Variants in TLN2 observed in about 807,000 individuals in gnomAD.
The protein encoded by TLN2 is talin-2.
In TLN2, 118 loss-of-function variants were observed where a neutral mutation model predicts 294.7. That is an observed-to-expected ratio of 0.40 (90% CI 0.34 to 0.47). The LOEUF is 0.47. TLN2 is among the 20% of genes least tolerant of loss of function. The pLI is 0.84. For synonymous variants in TLN2, 1,431 were observed against 1,304.5 expected (o/e 1.10, Z -2.09); for missense variants, 3,083 against 3,282.2 (o/e 0.94, Z 1.48).
intron 1 of TLN2, among the ~76,000 whole-genome samples, chr15:62,490,339 G>C (rs553002231): frequency 6.6e-6 from 1 of 152,304 alleles, no homozygotes; most frequent in African/African-American, 2.4e-5. Flanking sequence ...GTTAATGCTT[G>C]AACTTACTTA....
chr15:62,677,316 A>T (rs1196651418), intron 11 of TLN2, among the ~76,000 whole-genome samples: 2 of 152,192 alleles, frequency 1.3e-5, no homozygotes, highest in Non-Finnish European at 2.9e-5. Context: ...TTGAGTATTA[A>T]ATTCATCTCT....
chr15:62,509,979 C>T (rs1196356325), intron 1 of TLN2, among the ~76,000 whole-genome samples: 1 of 152,172 alleles, frequency 6.6e-6, no homozygotes, highest in Admixed American at 6.5e-5. Flanking sequence ...GTACTTAAAA[C>T]ATTTTATTTC....
intron 41 of TLN2, among the ~76,000 whole-genome samples, chr15:62,770,097 C>T (rs1008492201): frequency 2.4e-4 from 37 of 152,280 alleles, no homozygotes; most frequent in African/African-American, 7.7e-4. Flanking sequence ...AGCTGAGAGC[C>T]AGGGCTGTGG....
chr15:62,553,720 T>C (rs1368292905), intron 1 of TLN2, among the ~76,000 whole-genome samples: 2 of 152,218 alleles, frequency 1.3e-5, no homozygotes, highest in African/African-American at 4.8e-5. Context: ...TAATTTAATA[T>C]AGAAGGGACT....
chr15:62,573,436 G>T (rs1017497663), intron 1 of TLN2, among the ~76,000 whole-genome samples: 1 of 152,036 alleles, frequency 6.6e-6, no homozygotes, highest in Non-Finnish European at 1.5e-5. Context: ...CCCTCTTCCT[G>T]CATTCATCCT....
At position 62,805,901 on chromosome 15, in the gene TLN2, C is replaced by T. The variant is rs181579311; in HGVS notation, c.6663+116C>T. 6.7e-5 allele frequency: 77 copies of T among 1,155,506 alleles called. No homozygotes were observed. In the African/African-American group the frequency reaches 1.1e-3, roughly 16 times the overall value. 71.6% of individuals were successfully genotyped at this position (1,155,506 alleles called of 1,614,324 possible). A position where few individuals can be genotyped will look rare whatever the true frequency, so the allele number is the denominator to read the frequency against. ...AACCTTAAACTTTGTAATAAAAATG[C>T]ACACAGGGCCAGGGGTAGTGGCTTA... On this transcript the variant is annotated intron_variant, in intron 51 of 58. Transcript: ENST00000636159.
intron 1 of TLN2, chr15:62,561,346 C>G (rs1244058619): frequency 2.6e-5 from 4 of 152,218 alleles, no homozygotes; most frequent in Non-Finnish European, 5.9e-5. Flanking sequence ...CCGCCGAGGC[C>G]CCTCCTCAGC....
At chr15:62,527,445 C>T (rs1219112103) in intron 1 of TLN2, among the ~76,000 whole-genome samples, 11 of 152,118 alleles carry the variant, frequency 7.2e-5, no homozygotes, top group Non-Finnish European at 1.5e-4. Context: ...GTTTATCACC[C>T]GCTGTTGGGT....
chr15:62,551,686 G>A (rs142068017), intron 1 of TLN2, among the ~76,000 whole-genome samples: 171 of 152,280 alleles, frequency 1.1e-3, no homozygotes, highest in Non-Finnish European at 1.9e-3. Flanking sequence ...GCTTCAGAGC[G>A]AGACTCTGTC....
chr15:62,470,715 G>C lies in TLN2; in HGVS notation c.-238+80030G>C, dbSNP rs535493751. 8.5e-4 allele frequency among the ~76,000 whole-genome samples: 129 copies of C among 152,350 alleles called. 1 individual carries two copies. Among genetic ancestry groups the C allele is most frequent in the Middle Eastern group, 3.4e-3 (1 of 294 alleles). ...CCAGCCACTGCCTTTGTTACCCACC[G>C]AGCCAGTGCAGGCACTGTGCTGGGA... On this transcript the variant is annotated intron_variant, in intron 1 of 58. Coordinates refer to ENST00000636159, the MANE Select transcript of TLN2 (RefSeq NM_015059.3).
chr15:62,708,577 G>T lies in TLN2; in HGVS notation c.2248G>T (p.Val750Leu), dbSNP rs553652809. 1 of 1,614,226 alleles carries T rather than the reference G, an allele frequency of 6.2e-7. No individual in the cohort carries two copies. Among genetic ancestry groups the T allele is most frequent in the Admixed American group, 1.7e-5 (1 of 60,028 alleles). ...AGCAGGGAAGCTGGTGGACCGCTCG[G>T]TGGAGAACTGTGTCCGTGCCTGCCA... ...IEAGKLVDRS[V>L]ENCVRACQAA... The change falls in exon 21 of 59, where the codon GTG becomes TTG. Residue 750 changes from valine (V) to leucine (L), a missense_variant. Val to Leu is a conservative substitution (Grantham distance 32, BLOSUM62 1). Transcript: ENST00000636159.
chr15:62,804,766 G>A (rs1428051683), intron 50 of TLN2, among the ~76,000 whole-genome samples: 1 of 152,142 alleles, frequency 6.6e-6, no homozygotes, highest in African/African-American at 2.4e-5. Flanking sequence ...CATTCTATGG[G>A]ATGCCAACTG....
intron 1 of TLN2, among the ~76,000 whole-genome samples, chr15:62,580,398 C>G (rs1366661885): frequency 6.8e-6 from 1 of 147,528 alleles, no homozygotes. Flanking sequence ...CTTCTCCCCT[C>G]TCTACCTCCC....
chr15:62,659,408 G>A (rs186023697), intron 9 of TLN2, among the ~76,000 whole-genome samples: 1 of 152,186 alleles, frequency 6.6e-6, no homozygotes, highest in Admixed American at 6.5e-5. Context: ...GGATTACAAG[G>A]TGCTTTGGTC....
At chr15:62,679,335 A>G (rs1425380747) in intron 11 of TLN2, among the ~76,000 whole-genome samples, 2 of 152,388 alleles carry the variant, frequency 1.3e-5, no homozygotes, top group Middle Eastern at 3.4e-3. Flanking sequence ...ATGTGTTCAC[A>G]GCAGTGTTAG....
intron 1 of TLN2, among the ~76,000 whole-genome samples, chr15:62,568,192 C>T (rs1407271987): frequency 6.6e-6 from 1 of 151,982 alleles, no homozygotes; most frequent in Non-Finnish European, 1.5e-5. Context: ...GTGGCTGGGG[C>T]TGGCAGGGCT....
chr15:62,453,687 GCC>G (rs1174381045), intron 1 of TLN2: 1 of 152,150 alleles, frequency 6.6e-6, no homozygotes, highest in Admixed American at 6.6e-5. Context: ...CTTTGAATCA[GCC>G]CCCTGTGTGA....
Position 62,698,767 on chromosome 15 carries a change from A to G in TLN2, c.1487A>G (p.Gln496Arg). 1 of 1,610,844 alleles carries G rather than the reference A, an allele frequency of 6.2e-7. No individual in the cohort carries two copies. Among genetic ancestry groups the G allele is most frequent in the Non-Finnish European group, 8.5e-7 (1 of 1,179,904 alleles). ...GHMPPLTSAQ[Q>R]ALMGTINTSM... is the part of the protein sequence containing the mutation. ...TTGCCTTTGCAGACCTCAGCCCAGCAGGCCCTGATGGGGACCATCAACACA... is the reference window on the plus strand; with the variant it reads ...TTGCCTTTGCAGACCTCAGCCCAGCGGGCCCTGATGGGGACCATCAACACA... The change falls in exon 16 of 59, where the codon CAG becomes CGG. Residue 496 changes from glutamine (Q) to arginine (R), a missense_variant. Coordinates refer to ENST00000636159, the MANE Select transcript of TLN2 (RefSeq NM_015059.3).
intron 1 of TLN2, among the ~76,000 whole-genome samples, chr15:62,479,015 A>G (rs1407666910): frequency 6.6e-6 from 1 of 152,174 alleles, no homozygotes; most frequent in African/African-American, 2.4e-5. Context: ...TGTGTTACAA[A>G]CTGTGTTCCT....
Sources: gnomAD v4.1 joint callset for allele counts (sites outside exome capture counted in the v4.1 genomes callset) on GRCh38, gnomAD v4.1.1 for gene constraint, MANE v1.5 for transcripts, NCBI Gene and HGNC (gene_info 2026-07-23, HGNC 2026-07-21) for gene names.